TMEM245: variants seen among roughly 807,000 people sequenced by gnomAD.
TMEM245 encodes protein CG-2.
In TMEM245, 69 loss-of-function variants were observed where a neutral mutation model predicts 101.2. That is an observed-to-expected ratio of 0.68 (90% CI 0.56 to 0.83). The LOEUF (loss-of-function observed/expected upper bound fraction) is 0.83, where lower values mean the gene tolerates loss of function less well. Among genes scored for constraint, TMEM245 ranks in the 40% least tolerant of loss-of-function variants. The pLI is 0.00. For synonymous variants in TMEM245, 537 were observed against 449.8 expected (o/e 1.19, Z -2.45); for missense variants, 1,075 against 1,092.8 (o/e 0.98, Z 0.23).
At chr9:109,096,010 G>A (rs767756738) in intron 3 of TMEM245, among the ~76,000 whole-genome samples, 3 of 152,198 alleles carry the variant, frequency 2.0e-5, no homozygotes, top group Non-Finnish European at 4.4e-5. Flanking sequence ...AAGCGGCTGT[G>A]TTAAAGAGAC....
intron 3 of TMEM245, 66 bp from the exon 4 acceptor site, chr9:109,093,657 C>T: frequency 1.6e-6 from 2 of 1,269,858 alleles, no homozygotes; most frequent in Non-Finnish European, 2.3e-6. Flanking sequence ...AATTTAAACA[C>T]AGTCCAACAT....
chr9:109,076,385 TG>T (rs57138869), intron 8 of TMEM245, among the ~76,000 whole-genome samples: 124,321 of 132,916 alleles, frequency 0.94, 57,926 homozygotes, highest in East Asian at 1. Context: ...CACTGTGGGG[TG>T]GGGGGGAGGG....
intron 7 of TMEM245, 66 bp downstream of exon 7, chr9:109,085,931 G>A (rs1025071229): frequency 6.5e-7 from 1 of 1,544,290 alleles, no homozygotes; most frequent in Non-Finnish European, 9.0e-7. Flanking sequence ...AACATAGAGT[G>A]AAAAAGGCGA....
intron 1 of TMEM245, 130 bp from the exon 2 acceptor site, chr9:109,108,700 G>T: frequency 1.7e-6 from 1 of 584,380 alleles, no homozygotes; most frequent in Non-Finnish European, 2.8e-6. Flanking sequence ...AAGGTTGATG[G>T]TGTCAAAGAA....
rs1830360841 is a variant in TMEM245 at position 109,104,492 on chromosome 9, T to G, written c.799+2016A>C. Reference sequence around the variant, plus strand: ...CCCCCGCCCACAAGTGATCTCTAGATTGAATGCAATCCCTATCAAAATCCC... The same window carrying G: ...CCCCCGCCCACAAGTGATCTCTAGAGTGAATGCAATCCCTATCAAAATCCC... On this transcript the variant is annotated intron_variant, in intron 3 of 17. Transcript: ENST00000374586. 3.9e-5 allele frequency among the ~76,000 whole-genome samples: 6 copies of G among 152,294 alleles called. No homozygotes were observed. The South Asian group carries it at 1.0e-3, about 26-fold the overall frequency.
intron 12 of TMEM245, among the ~76,000 whole-genome samples, chr9:109,056,820 T>C (rs978947886): frequency 6.6e-6 from 1 of 152,132 alleles, no homozygotes; most frequent in African/African-American, 2.4e-5. Context: ...TGATGCATGG[T>C]AGGAGGTTAG....
intron 14 of TMEM245, among the ~76,000 whole-genome samples, chr9:109,047,332 T>A (rs1828529898): frequency 6.6e-6 from 1 of 152,242 alleles, no homozygotes; most frequent in African/African-American, 2.4e-5. Flanking sequence ...TGTAAAAGAC[T>A]GATTTCCTCA....
At chr9:109,070,140 C>T (rs755931405) in intron 9 of TMEM245, among the ~76,000 whole-genome samples, 3 of 152,150 alleles carry the variant, frequency 2.0e-5, no homozygotes, top group Admixed American at 6.5e-5. Flanking sequence ...ACCTTACATA[C>T]ATTCTTTATG....
intron 14 of TMEM245, among the ~76,000 whole-genome samples, chr9:109,048,616 T>C (rs1309448932): frequency 2.0e-5 from 3 of 152,164 alleles, no homozygotes; most frequent in African/African-American, 7.2e-5. Context: ...TTGAGACGTA[T>C]TCATAAGAAG....
At chr9:109,099,307 T>C (rs1288684768) in intron 3 of TMEM245, among the ~76,000 whole-genome samples, 1 of 152,194 alleles carries the variant, frequency 6.6e-6, no homozygotes, top group African/African-American at 2.4e-5. Context: ...AAACATTTGG[T>C]TTGCTCCCTT....
At chr9:109,068,757 A>C (rs1414447181) in intron 9 of TMEM245, among the ~76,000 whole-genome samples, 1 of 152,248 alleles carries the variant, frequency 6.6e-6, no homozygotes, top group East Asian at 1.9e-4. Context: ...AGCAACAAAA[A>C]GCCAATCTCA....
chr9:109,026,336 G>A (rs1221387168), intron 17 of TMEM245, among the ~76,000 whole-genome samples: 1 of 152,122 alleles, frequency 6.6e-6, no homozygotes, highest in Non-Finnish European at 1.5e-5. Flanking sequence ...CATTAAACTG[G>A]CAAGGAGGCC....
intron 7 of TMEM245, among the ~76,000 whole-genome samples, chr9:109,084,314 C>T (rs1236550810): frequency 2.0e-5 from 3 of 151,834 alleles, no homozygotes; most frequent in Admixed American, 2.0e-4. Flanking sequence ...TGGAATGTAC[C>T]CGCTCAAAAT....
chr9:109,086,750 C>T (rs1829851114), intron 6 of TMEM245, among the ~76,000 whole-genome samples: 1 of 152,206 alleles, frequency 6.6e-6, no homozygotes, highest in African/African-American at 2.4e-5. Flanking sequence ...CCCCAATAAA[C>T]AAGGCTTCTG....
Position 109,067,083 on chromosome 9 carries a change from A to T in TMEM245, c.1533-2516T>A, listed in dbSNP as rs73531359. ...AAAAAAAAAAAAAAAAAGTGTGAAG[A>T]TTCATAGAGGTATCTGGACAGATCC... On this transcript the variant is annotated intron_variant, in intron 9 of 17. Transcript: ENST00000374586. Among the ~76,000 whole-genome samples, 1,202 of 151,516 alleles carry T rather than the reference A, an allele frequency of 7.9e-3. 29 individuals are homozygous for T. The highest frequency in any genetic ancestry group is 0.028 in the African/African-American group (1,147 of 41,306).
chr9:109,057,925 C>CTTTTTT (rs35332085), intron 11 of TMEM245, among the ~76,000 whole-genome samples: 8 of 112,706 alleles, frequency 7.1e-5, no homozygotes, highest in Non-Finnish European at 1.1e-4. Flanking sequence ...CATTTACTTT[C>CTTTTTT]TTTTTTTTTT....
intron 17 of TMEM245, among the ~76,000 whole-genome samples, chr9:109,023,780 G>A (rs1827712142): frequency 6.6e-6 from 1 of 150,944 alleles, no homozygotes; most frequent in South Asian, 2.1e-4. Context: ...AGCTTGCAGT[G>A]AGCCCAGATC....
chr9:109,096,269 G>A (rs896383489), intron 3 of TMEM245, among the ~76,000 whole-genome samples: 7 of 152,328 alleles, frequency 4.6e-5, no homozygotes, highest in Middle Eastern at 3.4e-3. Context: ...CTGAGGCCAG[G>A]AGTTCGAGAC....
rs1554725099 is a variant in TMEM245, at chr9:109,083,916, A to AAC, written c.1344+2080_1344+2081insGT. Reference sequence around the variant, plus strand: ...ACTAAAAATACAAAAAAAAAAAAAAAAAAAAAAAAAAAACACCAGGCATGG... The same window carrying AAC: ...ACTAAAAATACAAAAAAAAAAAAAAAACAAAAAAAAAAAAACACCAGGCATGG... On this transcript the variant is annotated intron_variant, in intron 7 of 17. Transcript: ENST00000374586. Among the ~76,000 whole-genome samples the AAC allele has an allele frequency of 9.5e-4, 126 of 132,584 alleles. 7 individuals are homozygous for AAC. The highest frequency in any genetic ancestry group is 1.4e-3 in the Non-Finnish European group (89 of 61,714). 87.0% of individuals were successfully genotyped at this position (132,584 alleles called of 152,430 possible). A position where few individuals can be genotyped will look rare whatever the true frequency, so the allele number is the denominator to read the frequency against.
Sources: gnomAD v4.1 joint callset for allele counts (sites outside exome capture counted in the v4.1 genomes callset) on GRCh38, gnomAD v4.1.1 for gene constraint, MANE v1.5 for transcripts, NCBI Gene and HGNC (gene_info 2026-07-23, HGNC 2026-07-21) for gene names.